REXO5: variants seen among roughly 807,000 people sequenced by gnomAD.
REXO5 encodes the protein RNA exonuclease 5, also known as exonuclease NEF-sp.
Under a neutral mutation model 88.5 loss-of-function variants are expected in REXO5, and 48 were observed. That is an observed-to-expected ratio of 0.54 (90% confidence interval 0.43 to 0.69). REXO5 has a LOEUF of 0.69. Among genes scored for constraint, REXO5 ranks in the 30% least tolerant of loss-of-function variants. REXO5 has a pLI of 0.00. For synonymous variants in REXO5, 311 were observed against 336.5 expected, an observed-to-expected ratio of 0.92 and a Z score of 0.83; for missense variants, 749 against 912.2, an observed-to-expected ratio of 0.82 and a Z score of 2.30.
intron 2 of REXO5, among the ~76,000 whole-genome samples, chr16:20,810,576 C>T (rs2080982274): frequency 6.6e-6 from 1 of 152,018 alleles, no homozygotes; most frequent in East Asian, 1.9e-4. Context: ...AATTTTTGTA[C>T]ATTTAGTGGA....
intron 6 of REXO5, among the ~76,000 whole-genome samples, chr16:20,822,406 A>G (rs191063052): frequency 1.3e-5 from 2 of 152,370 alleles, no homozygotes; most frequent in East Asian, 3.9e-4. Flanking sequence ...TATAGCAATG[A>G]TAATTAAATT....
intron 8 of REXO5, among the ~76,000 whole-genome samples, chr16:20,826,807 C>T (rs557532284): frequency 6.6e-6 from 1 of 152,180 alleles, no homozygotes; most frequent in Non-Finnish European, 1.5e-5. Context: ...ATTATGATTA[C>T]ATTTTTATAA....
At chr16:20,846,390 C>T in intron 19 of REXO5, 51 bp downstream of exon 19, 2 of 1,381,642 alleles carry the variant, frequency 1.4e-6, no homozygotes, top group Non-Finnish European at 2.0e-6. Flanking sequence ...TGGATTTCAG[C>T]TGTTCTTAGA....
intron 2 of REXO5, among the ~76,000 whole-genome samples, chr16:20,812,887 A>G (rs905441591): frequency 2.7e-4 from 41 of 152,168 alleles, no homozygotes; most frequent in African/African-American, 9.9e-4. Flanking sequence ...GGAATTAGCT[A>G]TTGCTTTCTC....
chr16:20,820,944 AC>A (rs2081174874), intron 5 of REXO5: 1 of 146,578 alleles, frequency 6.8e-6, no homozygotes, highest in Admixed American at 7.0e-5. Context: ...CCCTCTGAGA[AC>A]ATGTCTTGAT....
At chr16:20,819,375 C>T (rs1367650978) in intron 5 of REXO5, among the ~76,000 whole-genome samples, 1 of 150,718 alleles carries the variant, frequency 6.6e-6, no homozygotes, top group Non-Finnish European at 1.5e-5. Context: ...TTCTTTCTTT[C>T]TTCATTTCTT....
intron 7 of REXO5, chr16:20,825,591 T>C: frequency 2.3e-6 from 1 of 442,204 alleles, no homozygotes; most frequent in Non-Finnish European, 4.0e-6. Context: ...GATACAATTA[T>C]TAATATTATT....
intron 5 of REXO5, among the ~76,000 whole-genome samples, chr16:20,817,667 AT>A (rs2081101703): frequency 6.6e-6 from 1 of 152,228 alleles, no homozygotes; most frequent in South Asian, 2.1e-4. Context: ...CAACTTCTCC[AT>A]CCTCCTAAGT....
chr16:20,847,274 A>AAAAAAAAAAAC (rs2081622269), intron 19 of REXO5, among the ~76,000 whole-genome samples: 1 of 22,176 alleles, frequency 4.5e-5, no homozygotes, highest in Non-Finnish European at 1.9e-4. Flanking sequence ...AAAAAAAAAC[A>AAAAAAAAAAAC]AAAAAAAAAA....
intron 2 of REXO5, among the ~76,000 whole-genome samples, chr16:20,811,793 G>A (rs1252364219): frequency 2.0e-5 from 3 of 152,210 alleles, no homozygotes; most frequent in African/African-American, 7.2e-5. Flanking sequence ...GAATACATTA[G>A]CAATAATATC....
intron 6 of REXO5, 56 bp downstream of exon 6, chr16:20,821,958 T>A (rs2152503733): frequency 6.9e-7 from 1 of 1,441,066 alleles, no homozygotes; most frequent in East Asian, 2.4e-5. Flanking sequence ...TAACAGCTTA[T>A]TTAAATACTA....
Position 20,818,877 on chromosome 16 carries a change from A to G in REXO5, c.475+2665A>G, listed in dbSNP as rs186633820. On this transcript the variant is annotated intron_variant, in intron 5 of 19. Coordinates refer to ENST00000261377, the MANE Select transcript of REXO5 (RefSeq NM_030941.3). Reference sequence around the variant, plus strand: ...AGTGGTTTACTACACAGATCAGCCAATCACCTAGGTATTAAGCTCAGCCTC... The same window carrying G: ...AGTGGTTTACTACACAGATCAGCCAGTCACCTAGGTATTAAGCTCAGCCTC... Among the ~76,000 whole-genome samples, 11 of 152,348 alleles carry G rather than the reference A, an allele frequency of 7.2e-5. No individual in the cohort carries two copies. In the East Asian group the frequency reaches 2.1e-3, roughly 29 times the overall value.
intron 13 of REXO5, among the ~76,000 whole-genome samples, chr16:20,838,037 G>C (rs1038657677): frequency 6.6e-6 from 1 of 152,106 alleles, no homozygotes; most frequent in African/African-American, 2.4e-5. Context: ...AAAGTGCCAG[G>C]ATCACAAGCA....
chr16:20,829,158 C>T (rs1411214651), intron 11 of REXO5, among the ~76,000 whole-genome samples: 2 of 152,102 alleles, frequency 1.3e-5, no homozygotes, highest in Non-Finnish European at 2.9e-5. Flanking sequence ...CTCTGAACAA[C>T]ATCAGTTTTT....
intron 14 of REXO5, 136 bp downstream of exon 14, chr16:20,839,995 A>C (rs780696938): frequency 1.9e-5 from 12 of 627,608 alleles, no homozygotes; most frequent in Non-Finnish European, 3.2e-5. Flanking sequence ...TTAACATTTA[A>C]AAATATTTTT....
At chr16:20,827,505 T>C in intron 10 of REXO5, 58 bp downstream of exon 10, 1 of 1,275,578 alleles carries the variant, frequency 7.8e-7, no homozygotes, top group Non-Finnish European at 1.1e-6. Context: ...AGTTAGCATG[T>C]AGTATCTAAT....
intron 15 of REXO5, among the ~76,000 whole-genome samples, chr16:20,841,107 G>GT (rs972059111): frequency 6.6e-6 from 1 of 152,072 alleles, no homozygotes; most frequent in African/African-American, 2.4e-5. Context: ...ATCTCTTAGG[G>GT]TAAGTTTTTG....
chr16:20,812,639 C>CTA (rs1261018154), intron 2 of REXO5, among the ~76,000 whole-genome samples: 2 of 152,194 alleles, frequency 1.3e-5, no homozygotes, highest in African/African-American at 4.8e-5. Flanking sequence ...CCGCATTGAT[C>CTA]TATGATCTGG....
Position 20,849,602 on chromosome 16 carries a change from A to G in REXO5, c.*122A>G, listed in dbSNP as rs2081662368. The G allele has an allele frequency of 1.6e-5, 13 of 806,030 alleles. No homozygotes were observed. The highest frequency in any genetic ancestry group is 2.3e-5 in the Non-Finnish European group (11 of 483,424). 49.9% of individuals were successfully genotyped at this position (806,030 alleles called of 1,614,324 possible). ...TTATGGAAACTTGGTATAGCAGCTA[A>G]AAGAGTTTAGTTTGTTTATATGGCA... On this transcript the variant is annotated 3_prime_UTR_variant, in exon 20 of 20. Transcript: ENST00000261377.
Sources: allele counts gnomAD v4.1 joint callset (sites outside exome capture counted in the v4.1 genomes callset), GRCh38; gene constraint gnomAD v4.1.1; transcripts MANE v1.5; gene names NCBI Gene and HGNC (gene_info 2026-07-23, HGNC 2026-07-21).